The following MBD5 variants were observed in gnomAD, a reference collection of about 807,000 sequenced individuals.
MBD5 encodes methyl-CpG-binding domain protein 5.
Under a neutral mutation model 117.3 loss-of-function variants are expected in MBD5, and 13 were observed. That is an observed-to-expected ratio of 0.11 (90% CI 0.07 to 0.18). MBD5 has a LOEUF of 0.18. Among genes scored for constraint, MBD5 ranks in the 10% least tolerant of loss-of-function variants. MBD5 has a pLI of 1.00. For synonymous variants in MBD5, 727 were observed against 766.4 expected, an observed-to-expected ratio of 0.95 and a Z score of 0.85; for missense variants, 1,879 against 2,093.8, an observed-to-expected ratio of 0.90 and a Z score of 2.00.
intron 3 of MBD5, among the ~76,000 whole-genome samples, chr2:148,339,049 T>C (rs778928984): frequency 6.6e-6 from 1 of 152,040 alleles, no homozygotes; most frequent in Admixed American, 6.6e-5. Context: ...AGGAGACAGA[T>C]CACAGGTTGG....
chr2:148,177,913 T>C (rs1202505967), intron 1 of MBD5, among the ~76,000 whole-genome samples: 2 of 152,116 alleles, frequency 1.3e-5, no homozygotes, highest in Admixed American at 1.3e-4. Context: ...ACCACTTACT[T>C]GGGAGGATGA....
At chr2:148,042,027 T>G (rs913695218) in intron 1 of MBD5, among the ~76,000 whole-genome samples, 1 of 152,202 alleles carries the variant, frequency 6.6e-6, no homozygotes, top group Non-Finnish European at 1.5e-5. Flanking sequence ...AAGGGGACTG[T>G]CTTCTACTTC....
chr2:148,335,358 G>A (rs1385953375), intron 3 of MBD5, among the ~76,000 whole-genome samples: 1 of 152,114 alleles, frequency 6.6e-6, no homozygotes, highest in Non-Finnish European at 1.5e-5. Context: ...TCCAGCCTAG[G>A]CAACAGAGCA....
intron 4 of MBD5, chr2:148,447,874 T>G (rs1706615208): frequency 1.3e-5 from 2 of 152,144 alleles, no homozygotes. Context: ...AGAGTCCTCC[T>G]GTGTATGGCT....
intron 1 of MBD5, chr2:148,071,957 G>A (rs560282424): frequency 6.6e-6 from 1 of 152,134 alleles, no homozygotes; most frequent in African/African-American, 2.4e-5. Flanking sequence ...ATCATGTGAA[G>A]AAAATGTTAA....
chr2:148,159,162 C>G (rs1193716812), intron 1 of MBD5, among the ~76,000 whole-genome samples: 3 of 152,204 alleles, frequency 2.0e-5, no homozygotes, highest in African/African-American at 7.2e-5. Context: ...CTCAAACACT[C>G]TTATTCTGTT....
intron 2 of MBD5, among the ~76,000 whole-genome samples, chr2:148,222,963 G>A (rs1399603761): frequency 6.6e-6 from 1 of 151,804 alleles, no homozygotes; most frequent in African/African-American, 2.4e-5. Flanking sequence ...GTTTTTTAAT[G>A]GTGGATTATA....
chr2:148,209,508 ACTT>A, intron 2 of MBD5, among the ~76,000 whole-genome samples: 1 of 151,110 alleles, frequency 6.6e-6, no homozygotes, highest in South Asian at 2.1e-4. Context: ...TGAGCAATAA[ACTT>A]CTTTTTTCTT....
At chr2:148,394,850 T>A (rs6706914) in intron 4 of MBD5, among the ~76,000 whole-genome samples, 78,604 of 151,412 alleles carry the variant, frequency 0.52, 20,559 homozygotes, top group East Asian at 0.75. Flanking sequence ...AATATATTAT[T>A]GATATGAACT....
intron 12 of MBD5, among the ~76,000 whole-genome samples, chr2:148,507,886 T>A (rs1397126037): frequency 6.6e-6 from 1 of 152,166 alleles, no homozygotes; most frequent in Non-Finnish European, 1.5e-5. Flanking sequence ...CATTGTAACT[T>A]CATTTTAAAT....
intron 1 of MBD5, among the ~76,000 whole-genome samples, chr2:148,045,625 G>T (rs913231703): frequency 2.0e-5 from 3 of 152,256 alleles, no homozygotes; most frequent in African/African-American, 7.2e-5. Flanking sequence ...ACAGAATGTG[G>T]CAGAACTAAT....
At chr2:148,091,922 A>G (rs772484640) in intron 1 of MBD5, among the ~76,000 whole-genome samples, 2 of 152,226 alleles carry the variant, frequency 1.3e-5, no homozygotes, top group African/African-American at 2.4e-5. Flanking sequence ...CATCTGACAA[A>G]GGACTAATAT....
rs763545749 is a variant in MBD5, at chr2:148,512,863, T to A, written c.5113-7T>A. 2 of 1,613,190 alleles carry A rather than the reference T, an allele frequency of 1.2e-6. No homozygotes were observed. The highest frequency in any genetic ancestry group is 1.7e-6 in the Non-Finnish European group (2 of 1,179,254). ...TTGTTGTTTTTTTTCTACCTTTTTA[T>A]TTCCAGGTACACCAAATCCCACAGG... is the stretch of plus-strand genomic sequence containing the variant. On this transcript the variant is annotated splice_polypyrimidine_tract_variant and splice_region_variant and intron_variant, in intron 13 of 13. Transcript: ENST00000642680.
intron 11 of MBD5, among the ~76,000 whole-genome samples, chr2:148,490,988 G>A (rs1417744051): frequency 6.6e-6 from 1 of 152,172 alleles, no homozygotes; most frequent in Non-Finnish European, 1.5e-5. Context: ...GTGTGGCAGG[G>A]GTAAGGACCC....
chr2:148,181,742 T>G (rs1050634561), intron 2 of MBD5, among the ~76,000 whole-genome samples: 11 of 152,156 alleles, frequency 7.2e-5, no homozygotes, highest in Admixed American at 2.0e-4. Context: ...TCCTATCAGT[T>G]TAGATATTAT....
intron 1 of MBD5, among the ~76,000 whole-genome samples, chr2:148,033,430 ATTC>A (rs1010194455): frequency 2.6e-5 from 4 of 152,120 alleles, no homozygotes; most frequent in East Asian, 1.9e-4. Flanking sequence ...TAATTTTTTA[ATTC>A]TTATTTTTCT....
At chr2:148,371,129 T>C (rs954048194) in intron 4 of MBD5, among the ~76,000 whole-genome samples, 1 of 152,216 alleles carries the variant, frequency 6.6e-6, no homozygotes, top group Non-Finnish European at 1.5e-5. Context: ...TTCTATTTTC[T>C]GCTGTTCCTT....
intron 1 of MBD5, among the ~76,000 whole-genome samples, chr2:148,088,026 A>T (rs1468706944): frequency 2.0e-5 from 3 of 152,144 alleles, no homozygotes; most frequent in African/African-American, 7.2e-5. Context: ...GAAAAAAAAA[A>T]TACAACTTCT....
chr2:148,133,136 AT>A (rs1697091237), intron 1 of MBD5, among the ~76,000 whole-genome samples: 2 of 152,224 alleles, frequency 1.3e-5, no homozygotes, highest in Non-Finnish European at 2.9e-5. Flanking sequence ...AGAACACATA[AT>A]TTAGAGGGAT....
Sources: allele counts gnomAD v4.1 joint callset (sites outside exome capture counted in the v4.1 genomes callset), GRCh38; gene constraint gnomAD v4.1.1; transcripts MANE v1.5; gene names NCBI Gene and HGNC (gene_info 2026-07-23, HGNC 2026-07-21).